CSMD1: variants seen among roughly 807,000 people sequenced by gnomAD.
The protein encoded by CSMD1 is CUB and sushi domain-containing protein 1.
A neutral mutation model predicts 417.5 loss-of-function variants in CSMD1; 213 were observed. The observed-to-expected ratio is 0.51, with a 90% CI of 0.46 to 0.57. The LOEUF (loss-of-function observed/expected upper bound fraction) is 0.57, where lower values mean the gene tolerates loss of function less well. Among genes scored for constraint, CSMD1 ranks in the 20% least tolerant of loss-of-function variants. The probability of loss-of-function intolerance (pLI) is 0.00; values close to 1 mark genes in which losing one functional copy is unlikely to be tolerated. For synonymous variants in CSMD1, 2,862 were observed against 1,736.8 expected (o/e 1.65, Z -16.11); for missense variants, 6,923 against 4,529.7 (o/e 1.53, Z -15.17).
intron 23 of CSMD1, among the ~76,000 whole-genome samples, chr8:3,342,249 G>A (rs542339283): frequency 4.1e-4 from 63 of 152,118 alleles, no homozygotes; most frequent in Non-Finnish European, 8.2e-4. Context: ...GGGATTTGAG[G>A]TGATTAATCT....
At chr8:4,371,204 A>C (rs2128912959) in intron 3 of CSMD1, among the ~76,000 whole-genome samples, 1 of 152,228 alleles carries the variant, frequency 6.6e-6, no homozygotes, top group Non-Finnish European at 1.5e-5. Flanking sequence ...TCAGCTCCAC[A>C]CTGCTGGGCT....
chr8:4,627,145 T>G (rs1355501241), intron 2 of CSMD1, among the ~76,000 whole-genome samples: 1 of 152,200 alleles, frequency 6.6e-6, no homozygotes, highest in Non-Finnish European at 1.5e-5. Flanking sequence ...CAACTAATAT[T>G]ATGCGATGAA....
At chr8:4,938,734 G>A (rs78370883) in intron 1 of CSMD1, among the ~76,000 whole-genome samples, 2 of 152,234 alleles carry the variant, frequency 1.3e-5, no homozygotes, top group East Asian at 3.8e-4. Flanking sequence ...TCTGAAATCT[G>A]AGAATGGGAA....
intron 26 of CSMD1, among the ~76,000 whole-genome samples, chr8:3,267,452 C>T (rs1027639184): frequency 3.3e-5 from 5 of 152,140 alleles, no homozygotes; most frequent in African/African-American, 4.8e-5. Context: ...GGTTGGTGGC[C>T]GTGCATGTAC....
chr8:3,923,139 G>T (rs1277136608), intron 5 of CSMD1, among the ~76,000 whole-genome samples: 1 of 152,090 alleles, frequency 6.6e-6, no homozygotes, highest in Non-Finnish European at 1.5e-5. Context: ...GAGAGCTAGG[G>T]TCCCAGACCA....
intron 7 of CSMD1, among the ~76,000 whole-genome samples, chr8:3,648,661 G>C (rs984201355): frequency 6.6e-6 from 1 of 152,164 alleles, no homozygotes; most frequent in African/African-American, 2.4e-5. Context: ...ACCTTACTTT[G>C]AAACATACGG....
intron 3 of CSMD1, among the ~76,000 whole-genome samples, chr8:4,253,632 G>C (rs1230685581): frequency 6.6e-6 from 1 of 152,012 alleles, no homozygotes; most frequent in African/African-American, 2.4e-5. Context: ...TGGAGGGAAG[G>C]GGCCAGATCT....
chr8:4,263,217 G>C (rs147787297), intron 3 of CSMD1, among the ~76,000 whole-genome samples: 10 of 152,182 alleles, frequency 6.6e-5, no homozygotes, highest in African/African-American at 1.4e-4. Context: ...GAGGGCTAAA[G>C]GCTAGGCTGT....
At chr8:3,222,600 T>G (rs758222910) in intron 28 of CSMD1, among the ~76,000 whole-genome samples, 1 of 152,170 alleles carries the variant, frequency 6.6e-6, no homozygotes, top group Non-Finnish European at 1.5e-5. Flanking sequence ...TGAACCACCA[T>G]GCCTGGCTTC....
intron 8 of CSMD1, among the ~76,000 whole-genome samples, chr8:3,593,202 G>C (rs1311515791): frequency 1.3e-5 from 2 of 152,240 alleles, no homozygotes; most frequent in Non-Finnish European, 2.9e-5. Context: ...CACCATACTT[G>C]GGACCAAGAC....
intron 4 of CSMD1, among the ~76,000 whole-genome samples, chr8:4,004,468 G>T (rs1324579882): frequency 6.6e-6 from 1 of 150,696 alleles, no homozygotes. Flanking sequence ...AAATAAAATG[G>T]CCTAATTTAT....
intron 54 of CSMD1, among the ~76,000 whole-genome samples, chr8:2,992,947 G>C (rs1806528473): frequency 6.6e-6 from 1 of 151,272 alleles, no homozygotes; most frequent in Non-Finnish European, 1.5e-5. Flanking sequence ...TGCCCAGGCT[G>C]GTCTCAAACT....
intron 5 of CSMD1, among the ~76,000 whole-genome samples, chr8:3,927,643 C>A (rs926924228): frequency 6.6e-6 from 1 of 151,576 alleles, no homozygotes; most frequent in Non-Finnish European, 1.5e-5. Context: ...CCACACTCGG[C>A]GAAAGAGTGA....
At chr8:4,260,474 T>A (rs1803800679) in intron 3 of CSMD1, among the ~76,000 whole-genome samples, 1 of 152,182 alleles carries the variant, frequency 6.6e-6, no homozygotes, top group Non-Finnish European at 1.5e-5. Flanking sequence ...GTGAACATTG[T>A]TCACCTGAAG....
intron 5 of CSMD1, among the ~76,000 whole-genome samples, chr8:3,765,356 C>T (rs1314247433): frequency 6.6e-6 from 1 of 152,094 alleles, no homozygotes; most frequent in Non-Finnish European, 1.5e-5. Context: ...TTCCAGAGAC[C>T]TTTCTCTCCT....
chr8:3,838,490 T>C (rs1802853548), intron 5 of CSMD1, among the ~76,000 whole-genome samples: 1 of 144,332 alleles, frequency 6.9e-6, no homozygotes, highest in African/African-American at 2.6e-5. Context: ...AGCCTATAGA[T>C]ATATAGCCTA....
At chr8:4,475,510 C>T (rs1302186401) in intron 2 of CSMD1, among the ~76,000 whole-genome samples, 1 of 152,144 alleles carries the variant, frequency 6.6e-6, no homozygotes, top group African/African-American at 2.4e-5. Flanking sequence ...TAGAGAAAAA[C>T]ATGGACTCAG....
At chr8:3,964,184 A>G (rs1469589851) in intron 5 of CSMD1, among the ~76,000 whole-genome samples, 3 of 152,214 alleles carry the variant, frequency 2.0e-5, no homozygotes, top group African/African-American at 7.2e-5. Flanking sequence ...AGTAAACATT[A>G]AAGGCATTTA....
chr8:4,976,800 C>G (rs1338343544), intron 1 of CSMD1, among the ~76,000 whole-genome samples: 1 of 152,174 alleles, frequency 6.6e-6, no homozygotes, highest in East Asian at 1.9e-4. Context: ...ATCACTTCCT[C>G]TCACTGATAT....
Sources: gnomAD v4.1 joint callset for allele counts (sites outside exome capture counted in the v4.1 genomes callset) on GRCh38, gnomAD v4.1.1 for gene constraint, MANE v1.5 for transcripts, NCBI Gene and HGNC (gene_info 2026-07-23, HGNC 2026-07-21) for gene names.